Variants in THRB observed in about 807,000 individuals in gnomAD.
The protein encoded by THRB is nuclear receptor subfamily 1 group A member 2.
In THRB, 12 loss-of-function variants were observed where a neutral mutation model predicts 47.8. That is an observed-to-expected ratio of 0.25 (90% confidence interval 0.16 to 0.41). The LOEUF is 0.41. Among genes scored for constraint, THRB ranks in the 10% least tolerant of loss-of-function variants. The pLI is 1.00. For missense variants in THRB, 348 were observed against 589.2 expected, an observed-to-expected ratio of 0.59 and a Z score of 4.24; for synonymous variants, 218 against 212.2, an observed-to-expected ratio of 1.03 and a Z score of -0.24.
chr3:24,398,670 C>T (rs931525297), intron 1 of THRB, among the ~76,000 whole-genome samples: 9 of 152,088 alleles, frequency 5.9e-5, no homozygotes, highest in Non-Finnish European at 1.2e-4. Flanking sequence ...GTCAGTGTGG[C>T]GATTCCTCAG....
At chr3:24,481,178 TTGAGAAGATCG>T (rs903913030) in intron 1 of THRB, among the ~76,000 whole-genome samples, 2 of 151,570 alleles carry the variant, frequency 1.3e-5, no homozygotes, top group African/African-American at 4.9e-5. Flanking sequence ...AGTTGAGGAA[TTGAGAAGATCG>T]TCTATCTCAG....
At chr3:24,436,396 G>A (rs1224564480) in intron 1 of THRB, among the ~76,000 whole-genome samples, 4 of 152,116 alleles carry the variant, frequency 2.6e-5, no homozygotes, top group African/African-American at 7.2e-5. Flanking sequence ...AACAAGACAC[G>A]CCTCGATGCA....
intron 1 of THRB, among the ~76,000 whole-genome samples, chr3:24,470,445 T>C (rs1004714949): frequency 6.6e-6 from 1 of 152,192 alleles, no homozygotes; most frequent in Non-Finnish European, 1.5e-5. Context: ...CTTAGGAAAG[T>C]TGCTCAACCT....
intron 5 of THRB, among the ~76,000 whole-genome samples, chr3:24,159,708 T>C (rs1050486195): frequency 2.6e-5 from 4 of 151,302 alleles, no homozygotes; most frequent in African/African-American, 9.7e-5. Flanking sequence ...TCTGGAGACA[T>C]TTTTGGTTGC....
At chr3:24,430,947 C>T (rs2070330278) in intron 1 of THRB, 1 of 152,162 alleles carries the variant, frequency 6.6e-6, no homozygotes, top group African/African-American at 2.4e-5. Flanking sequence ...CTCAACAAAA[C>T]TGTCTGAGCC....
At chr3:24,287,086 CAG>C (rs534430048) in intron 3 of THRB, among the ~76,000 whole-genome samples, 3 of 152,142 alleles carry the variant, frequency 2.0e-5, no homozygotes, top group Non-Finnish European at 4.4e-5. Context: ...CAGGCTTTTG[CAG>C]AGTTTCAGAA....
chr3:24,445,459 T>C lies in THRB; in HGVS notation c.-261+49193A>G, dbSNP rs1380925679. 5.9e-5 allele frequency among the ~76,000 whole-genome samples: 9 copies of C among 152,122 alleles called. No individual in the cohort carries two copies. The East Asian group carries it at 1.5e-3, about 26-fold the overall frequency. The stretch of plus-strand genomic sequence containing the variant: ...AATACTCAAAAGGCAAACACCAAAC[T>C]GGAAAAATAATTTCCAGAGACATAA... On this transcript the variant is annotated intron_variant, in intron 1 of 10. Coordinates refer to ENST00000646209, the MANE Select transcript of THRB (RefSeq NM_001354712.2).
chr3:24,299,090 AC>A (rs1188189567), intron 2 of THRB, among the ~76,000 whole-genome samples: 1 of 151,844 alleles, frequency 6.6e-6, no homozygotes. Context: ...TACTAAAAAT[AC>A]AAAAAAATTA....
At chr3:24,181,407 G>C (rs1186677839) in intron 5 of THRB, among the ~76,000 whole-genome samples, 1 of 152,196 alleles carries the variant, frequency 6.6e-6, no homozygotes, top group African/African-American at 2.4e-5. Context: ...AAGAACCAAT[G>C]GTCATCTGTT....
At chr3:24,199,799 C>T (rs976631287) in intron 4 of THRB, among the ~76,000 whole-genome samples, 1 of 152,164 alleles carries the variant, frequency 6.6e-6, no homozygotes, top group Admixed American at 6.5e-5. Context: ...CAAAACAAAA[C>T]AACGTGTGTT....
chr3:24,400,997 G>A (rs796676024), intron 1 of THRB, among the ~76,000 whole-genome samples: 5 of 152,090 alleles, frequency 3.3e-5, no homozygotes, highest in African/African-American at 1.2e-4. Context: ...AGATGAAAAT[G>A]GTGCAGAGAC....
intron 1 of THRB, among the ~76,000 whole-genome samples, chr3:24,394,118 T>C (rs974081898): frequency 6.6e-6 from 1 of 152,150 alleles, no homozygotes; most frequent in African/African-American, 2.4e-5. Context: ...CGAGGTTGTG[T>C]GGTGGGGCCA....
intron 1 of THRB, among the ~76,000 whole-genome samples, chr3:24,342,021 C>A (rs1443903252): frequency 2.0e-5 from 3 of 152,106 alleles, no homozygotes; most frequent in Non-Finnish European, 4.4e-5. Flanking sequence ...CCAGCCAACT[C>A]TCATACTCAT....
intron 1 of THRB, among the ~76,000 whole-genome samples, chr3:24,419,769 A>G (rs2069074738): frequency 6.6e-6 from 1 of 151,944 alleles, no homozygotes; most frequent in Non-Finnish European, 1.5e-5. Context: ...GTCTGTCTCA[A>G]CCAGAAATAA....
intron 1 of THRB, among the ~76,000 whole-genome samples, chr3:24,447,693 G>T (rs1005302868): frequency 6.6e-6 from 1 of 152,044 alleles, no homozygotes; most frequent in African/African-American, 2.4e-5. Flanking sequence ...GGGAAGGGGT[G>T]AGTAGACATT....
At chr3:24,141,374 C>T (rs1298770216) in intron 8 of THRB, among the ~76,000 whole-genome samples, 3 of 152,194 alleles carry the variant, frequency 2.0e-5, no homozygotes, top group Non-Finnish European at 4.4e-5. Context: ...TGCTTCCAGA[C>T]ATAGCACAAC....
chr3:24,413,899 G>A (rs188330512), intron 1 of THRB, among the ~76,000 whole-genome samples: 4 of 151,868 alleles, frequency 2.6e-5, no homozygotes, highest in East Asian at 3.9e-4. Flanking sequence ...ATCATTCTGA[G>A]CAAACTATCG....
intron 3 of THRB, among the ~76,000 whole-genome samples, chr3:24,289,085 G>C (rs1312201209): frequency 6.6e-6 from 1 of 152,194 alleles, no homozygotes; most frequent in African/African-American, 2.4e-5. Context: ...AAATGGACAA[G>C]AGCCCAGTGT....
intron 5 of THRB, among the ~76,000 whole-genome samples, chr3:24,186,129 G>A (rs1250618981): frequency 6.6e-6 from 1 of 152,180 alleles, no homozygotes. Context: ...GAGTTGAAGA[G>A]TATTTTCAAG....
Sources: allele counts gnomAD v4.1 joint callset (sites outside exome capture counted in the v4.1 genomes callset), GRCh38; gene constraint gnomAD v4.1.1; transcripts MANE v1.5; gene names NCBI Gene and HGNC (gene_info 2026-07-23, HGNC 2026-07-21).